Variants in SMAGP observed in about 807,000 individuals in gnomAD.
SMAGP encodes small cell adhesion glycoprotein, also known as small cell transmembrane and glycosylated protein.
In SMAGP, 7 loss-of-function variants were observed where a neutral mutation model predicts 10.1. That is an observed-to-expected ratio of 0.70 (90% confidence interval 0.40 to 1.31). The LOEUF is 1.31. Ranked by LOEUF, SMAGP falls within the 50% of genes most tolerant of loss-of-function variation. The probability of loss-of-function intolerance (pLI) is 0.01; values close to 1 mark genes in which losing one functional copy is unlikely to be tolerated. For missense variants in SMAGP, 113 were observed against 116.5 expected, an observed-to-expected ratio of 0.97 and a Z score of 0.14; for synonymous variants, 49 against 47.2, an observed-to-expected ratio of 1.04 and a Z score of -0.16.
intron 2 of SMAGP, among the ~76,000 whole-genome samples, chr12:51,265,466 C>G (rs1261600667): frequency 6.6e-6 from 1 of 152,190 alleles, no homozygotes; most frequent in Non-Finnish European, 1.5e-5. Flanking sequence ...GGAAGCAACT[C>G]AACTGTCCAT....
At chr12:51,248,426 ACACACACACTCTCTCT>A (rs755427120) in intron 2 of SMAGP, among the ~76,000 whole-genome samples, 3,890 of 111,466 alleles carry the variant, frequency 0.035, 112 homozygotes, top group East Asian at 0.14. Flanking sequence ...ACACACACAC[ACACACACACTCTCTCT>A]CTCTCTCTCT....
chr12:51,266,884 G>A (rs538372974), intron 2 of SMAGP, among the ~76,000 whole-genome samples: 1 of 152,314 alleles, frequency 6.6e-6, no homozygotes, highest in East Asian at 1.9e-4. Flanking sequence ...GGGAGGCCGA[G>A]AAGGGCAGAT....
rs554962180 is a variant in SMAGP, at chr12:51,245,912, G to A, written c.*29C>T. 8 of 1,600,596 alleles carry A rather than the reference G, an allele frequency of 5.0e-6. No individual in the cohort carries two copies. In the African/African-American group the frequency reaches 9.4e-5, roughly 19 times the overall value. On this transcript the variant is annotated 3_prime_UTR_variant, in exon 4 of 4. Coordinates refer to ENST00000603798, the MANE Select transcript of SMAGP (RefSeq NM_001031628.2). ...AGTCAACGTGTTAGCGATGGAGCCA[G>A]GAATAAGCTCCTTGGGGCCTGGGAG...
chr12:51,257,278 G>T (rs1383204095), intron 2 of SMAGP, among the ~76,000 whole-genome samples: 1 of 152,160 alleles, frequency 6.6e-6, no homozygotes, highest in Non-Finnish European at 1.5e-5. Context: ...TGGGGGGCTG[G>T]CTGCAGACAG....
rs1305944593 is a variant in SMAGP, at chr12:51,244,819, A to ACTT, written c.*1119_*1121dup. The ACTT allele has an allele frequency of 3.2e-5, 3 of 92,334 alleles. No homozygotes were observed. Among genetic ancestry groups the ACTT allele is most frequent in the African/African-American group, 1.3e-4 (3 of 23,422 alleles). 5.7% of individuals were successfully genotyped at this position (92,334 alleles called of 1,614,324 possible). A position where few individuals can be genotyped will look rare whatever the true frequency, so the allele number is the denominator to read the frequency against. ...CTTGAACCAACTCATCTCCCAGGGT[A>ACTT]CTTTTTTTTTTTTTTTTTTTTTTGA... On this transcript the variant is annotated 3_prime_UTR_variant, in exon 4 of 4. Transcript: ENST00000603798.
rs1223632587 is a variant in SMAGP at position 51,245,684 on chromosome 12, T to A, written c.*257A>T. 1 of 448,370 alleles carries A rather than the reference T, an allele frequency of 2.2e-6. No homozygotes were observed. Among genetic ancestry groups the A allele is most frequent in the Non-Finnish European group, 4.0e-6 (1 of 247,142 alleles). 27.8% of individuals were successfully genotyped at this position (448,370 alleles called of 1,614,324 possible). Reference sequence around the variant, plus strand: ...GCACATACTCAGATGTCCCCTGGCATAGCCACATCTTGTTGGCCAGTCACA... The same window carrying A: ...GCACATACTCAGATGTCCCCTGGCAAAGCCACATCTTGTTGGCCAGTCACA... On this transcript the variant is annotated 3_prime_UTR_variant, in exon 4 of 4. Coordinates refer to ENST00000603798, the MANE Select transcript of SMAGP (RefSeq NM_001031628.2).
chr12:51,270,047 CCCCCGCGTTACCAGCA>C (rs1592239603), intron 1 of SMAGP, 193 bp downstream of exon 1: 1 of 151,586 alleles, frequency 6.6e-6, no homozygotes, highest in East Asian at 1.9e-4. Flanking sequence ...CGCCCCGAGC[CCCCCGCGTTACCAGCA>C]CCCCGCGGAG....
At chr12:51,269,390 A>C (rs1945006079) in intron 1 of SMAGP, 74 bp from the exon 2 acceptor site, 1 of 1,226,432 alleles carries the variant, frequency 8.2e-7, no homozygotes, top group Non-Finnish European at 1.2e-6. Context: ...AGTCCCAGGA[A>C]AGCCTCTGGT....
At chr12:51,252,683 G>GCCCCCCCCCCCCCCCCCCCC (rs1353120777) in intron 2 of SMAGP, among the ~76,000 whole-genome samples, 1 of 149,836 alleles carries the variant, frequency 6.7e-6, no homozygotes, top group African/African-American at 2.5e-5. Flanking sequence ...GAGCCACATC[G>GCCCCCCCCCCCCCCCCCCCC]CCCCCCGAAG....
At position 51,245,991 on chromosome 12, in the gene SMAGP, T is replaced by G. The variant is rs553411410; in HGVS notation, c.244A>C (p.Met82Leu). Residue 82 changes from methionine (M) to leucine (L), a missense_variant, in exon 4 of 4, where the codon ATG (methionine) becomes CTG (leucine). Met to Leu is a conservative substitution (Grantham distance 15). Coordinates refer to ENST00000603798, the MANE Select transcript of SMAGP (RefSeq NM_001031628.2). ...CTGCCCTTGGCCAAGTCACTCTCCATCTGGACGATGGCACTGGGCTCACCT... is the reference window on the plus strand; with the variant it reads ...CTGCCCTTGGCCAAGTCACTCTCCAGCTGGACGATGGCACTGGGCTCACCT... ...TEGEPSAIVQ[M>L]ESDLAKGSEK... 13 of 1,613,834 alleles carry G rather than the reference T, an allele frequency of 8.1e-6. No homozygotes were observed. The highest frequency in any genetic ancestry group is 8.5e-6 in the Non-Finnish European group (10 of 1,179,858).
chr12:51,248,399 T>TACACACACACACAC (rs71443213), intron 2 of SMAGP, among the ~76,000 whole-genome samples: 3 of 132,384 alleles, frequency 2.3e-5, no homozygotes, highest in African/African-American at 8.9e-5. Flanking sequence ...TGTGGTGTTT[T>TACACACACACACAC]ACACACACAC....
chr12:51,269,128 A>T, intron 2 of SMAGP, 117 bp downstream of exon 2: 1 of 1,099,774 alleles, frequency 9.1e-7, no homozygotes, highest in Non-Finnish European at 1.4e-6. Context: ...TTCCTGTGTG[A>T]GGCAGGCAGA....
intron 2 of SMAGP, among the ~76,000 whole-genome samples, chr12:51,255,549 C>A (rs897021917): frequency 1.3e-5 from 2 of 151,890 alleles, no homozygotes; most frequent in Admixed American, 6.6e-5. Context: ...AAACCAAGCA[C>A]CCCAGGCTCA....
At chr12:51,266,013 C>T (rs1194211908) in intron 2 of SMAGP, among the ~76,000 whole-genome samples, 1 of 151,026 alleles carries the variant, frequency 6.6e-6, no homozygotes, top group Non-Finnish European at 1.5e-5. Context: ...ACCCATGAGG[C>T]GGAGCTTGCA....
At chr12:51,246,920 C>A (rs1944781583) in intron 2 of SMAGP, 89 bp from the exon 3 acceptor site, 1 of 860,324 alleles carries the variant, frequency 1.2e-6, no homozygotes, top group African/African-American at 1.7e-5. Flanking sequence ...ACCACCCCAC[C>A]TTCTTCCCTA....
intron 2 of SMAGP, among the ~76,000 whole-genome samples, chr12:51,247,242 A>T (rs1944785497): frequency 1.7e-5 from 1 of 58,210 alleles, no homozygotes. Flanking sequence ...TTAGGAATGC[A>T]TATTTTTACA....
At chr12:51,249,784 T>G (rs559394354) in intron 2 of SMAGP, among the ~76,000 whole-genome samples, 24 of 152,006 alleles carry the variant, frequency 1.6e-4, no homozygotes, top group African/African-American at 5.3e-4. Context: ...GCCCAGTTAA[T>G]TTTTGTATTT....
chr12:51,245,913 GA>G lies in SMAGP; in HGVS notation c.*27del. ...GTCAACGTGTTAGCGATGGAGCCAG[GA>G]ATAAGCTCCTTGGGGCCTGGGAGTC... On this transcript the variant is annotated 3_prime_UTR_variant, in exon 4 of 4. Coordinates refer to ENST00000603798, the MANE Select transcript of SMAGP (RefSeq NM_001031628.2). 6.2e-7 allele frequency: 1 copy of G among 1,601,628 alleles called. No individual in the cohort carries two copies.
At chr12:51,248,434 A>ACACACACACACTCTCACTCTCTCTCTCT (rs1188710796) in intron 2 of SMAGP, among the ~76,000 whole-genome samples, 1 of 77,468 alleles carries the variant, frequency 1.3e-5, no homozygotes, top group African/African-American at 5.1e-5. Flanking sequence ...ACACACACAC[A>ACACACACACACTCTCACTCTCTCTCTCT]CTCTCTCTCT....
Sources: allele counts gnomAD v4.1 joint callset (sites outside exome capture counted in the v4.1 genomes callset), GRCh38; gene constraint gnomAD v4.1.1; transcripts MANE v1.5; gene names NCBI Gene and HGNC (gene_info 2026-07-23, HGNC 2026-07-21).